OR9Q1: variants seen among roughly 807,000 people sequenced by gnomAD.
OR9Q1 encodes the protein olfactory receptor family 9 subfamily Q member 1.
For missense variants in OR9Q1, 374 were observed against 378.8 expected, an observed-to-expected ratio of 0.99 and a Z score of 0.11; for synonymous variants, 153 against 148.6, an observed-to-expected ratio of 1.03 and a Z score of -0.22.
chr11:58,058,700 A>G (rs2119989678), intron 2 of OR9Q1, among the ~76,000 whole-genome samples: 1 of 151,938 alleles, frequency 6.6e-6, no homozygotes, highest in Admixed American at 6.6e-5. Flanking sequence ...CATGCTGTTG[A>G]TGCTGTCATC....
At chr11:58,027,046 G>A (rs547487380) in intron 1 of OR9Q1, among the ~76,000 whole-genome samples, 10 of 152,308 alleles carry the variant, frequency 6.6e-5, no homozygotes, top group Non-Finnish European at 1.2e-4. Flanking sequence ...GAATCATTCA[G>A]TTTAGATTTT....
At chr11:58,148,636 G>C (rs1341023226) in intron 2 of OR9Q1, among the ~76,000 whole-genome samples, 1 of 152,144 alleles carries the variant, frequency 6.6e-6, no homozygotes, top group Non-Finnish European at 1.5e-5. Flanking sequence ...AAGAAATGAA[G>C]CATGTTTGGT....
chr11:58,118,777 T>G, intron 2 of OR9Q1: 1 of 1,614,088 alleles, frequency 6.2e-7, no homozygotes, highest in Non-Finnish European at 8.5e-7. Flanking sequence ...CAAAATGGTC[T>G]TGATGATGAG....
At chr11:58,026,560 A>G (rs911203596) in intron 1 of OR9Q1, 1 of 151,622 alleles carries the variant, frequency 6.6e-6, no homozygotes, top group Non-Finnish European at 1.5e-5. Context: ...TGCGTGCCTG[A>G]AATCCCAGCT....
At chr11:58,089,010 G>T (rs1853659307) in intron 2 of OR9Q1, among the ~76,000 whole-genome samples, 1 of 151,642 alleles carries the variant, frequency 6.6e-6, no homozygotes, top group African/African-American at 2.4e-5. Context: ...CTGAGTAGCT[G>T]GGATTACAGG....
At chr11:58,062,498 A>G (rs983539550) in intron 2 of OR9Q1, among the ~76,000 whole-genome samples, 1 of 152,156 alleles carries the variant, frequency 6.6e-6, no homozygotes, top group Admixed American at 6.5e-5. Flanking sequence ...CAGGCAATCT[A>G]AATTCGTTTT....
At chr11:58,039,374 G>C (rs1853138039) in intron 1 of OR9Q1, among the ~76,000 whole-genome samples, 1 of 152,186 alleles carries the variant, frequency 6.6e-6, no homozygotes, top group African/African-American at 2.4e-5. Context: ...GCCTTGTCAA[G>C]GTAGGATTTT....
chr11:58,158,567 A>G (rs1339801909), intron 2 of OR9Q1, among the ~76,000 whole-genome samples: 1 of 152,086 alleles, frequency 6.6e-6, no homozygotes, highest in African/African-American at 2.4e-5. Flanking sequence ...AATCCTTACC[A>G]TAAGTCTCTT....
intron 2 of OR9Q1, among the ~76,000 whole-genome samples, chr11:58,105,938 T>A (rs2120096745): frequency 6.6e-6 from 1 of 152,254 alleles, no homozygotes; most frequent in South Asian, 2.1e-4. Context: ...GGAGTGCAGA[T>A]CTTTCTTCGA....
chr11:58,179,655 G>A lies in OR9Q1; in HGVS notation c.211G>A (p.Val71Ile), dbSNP rs202075369. 62 of 1,613,418 alleles carry A rather than the reference G, an allele frequency of 3.8e-5. No individual in the cohort carries two copies. Among genetic ancestry groups the A allele is most frequent in the Admixed American group, 6.7e-5 (4 of 60,012 alleles). Residue 71 changes from valine (V) to isoleucine (I), a missense_variant, in exon 3 of 3, where the codon GTC (valine) becomes ATC (isoleucine). Physicochemically the swap from Val to Ile is conservative, Grantham distance 29. Coordinates refer to ENST00000335397, the MANE Select transcript of OR9Q1 (RefSeq NM_001005212.4). The stretch of plus-strand genomic sequence containing the variant: ...TCTGAGTCACCTCGCTTTCATGGAC[G>A]TCTGCTACTCATCTATCACTGTCCC... ...FLLSHLAFMD[V>I]CYSSITVPQM...
At chr11:58,036,300 G>T (rs1029073200) in intron 1 of OR9Q1, among the ~76,000 whole-genome samples, 1 of 152,168 alleles carries the variant, frequency 6.6e-6, no homozygotes, top group Non-Finnish European at 1.5e-5. Flanking sequence ...GAGACCTACT[G>T]CTCGGGAAAG....
chr11:58,029,429 T>C (rs1853007596), intron 1 of OR9Q1, among the ~76,000 whole-genome samples: 1 of 152,178 alleles, frequency 6.6e-6, no homozygotes, highest in Admixed American at 6.5e-5. Context: ...CACTTCCCCC[T>C]TATTCTGTTG....
intron 2 of OR9Q1, among the ~76,000 whole-genome samples, chr11:58,079,311 TG>T (rs976893887): frequency 6.6e-6 from 1 of 152,118 alleles, no homozygotes; most frequent in African/African-American, 2.4e-5. Flanking sequence ...AAAGATTCCT[TG>T]GGCTCCTGAA....
At chr11:58,038,370 G>A (rs1238382591) in intron 1 of OR9Q1, among the ~76,000 whole-genome samples, 1 of 152,174 alleles carries the variant, frequency 6.6e-6, no homozygotes, top group East Asian at 1.9e-4. Context: ...TTGTAAATAG[G>A]GAGTTTCTAA....
At chr11:58,156,755 CTCTG>C (rs941510878) in intron 2 of OR9Q1, among the ~76,000 whole-genome samples, 6 of 152,308 alleles carry the variant, frequency 3.9e-5, no homozygotes, top group African/African-American at 1.4e-4. Flanking sequence ...TCTGCTCTCT[CTCTG>C]TCTTTCTCTG....
At chr11:58,158,859 C>T (rs576616064) in intron 2 of OR9Q1, among the ~76,000 whole-genome samples, 1 of 152,202 alleles carries the variant, frequency 6.6e-6, no homozygotes, top group East Asian at 1.9e-4. Context: ...ATTCTTCAGG[C>T]ATAGAGAAAT....
At chr11:58,121,839 C>A (rs1335968292) in intron 2 of OR9Q1, among the ~76,000 whole-genome samples, 1 of 152,130 alleles carries the variant, frequency 6.6e-6, no homozygotes, top group Non-Finnish European at 1.5e-5. Flanking sequence ...TTCTTTCATA[C>A]ATTTTATATC....
chr11:58,176,592 G>A (rs1854609037), intron 2 of OR9Q1, among the ~76,000 whole-genome samples: 1 of 152,162 alleles, frequency 6.6e-6, no homozygotes, highest in South Asian at 2.1e-4. Context: ...AGATTTTGCA[G>A]ATCTGGAAAC....
At chr11:58,116,541 T>C in intron 2 of OR9Q1, among the ~76,000 whole-genome samples, 1 of 152,234 alleles carries the variant, frequency 6.6e-6, no homozygotes, top group East Asian at 1.9e-4. Context: ...CTTATTATGG[T>C]TTTAAGTATG....
Sources: allele counts gnomAD v4.1 joint callset (sites outside exome capture counted in the v4.1 genomes callset), GRCh38; gene constraint gnomAD v4.1.1; transcripts MANE v1.5; gene names NCBI Gene and HGNC (gene_info 2026-07-23, HGNC 2026-07-21).